Variants in HS3ST3A1 observed in about 807,000 individuals in gnomAD.
HS3ST3A1 encodes heparan sulfate-glucosamine 3-sulfotransferase 3A1, also known as heparan sulfate glucosamine 3-O-sulfotransferase 3A1.
Under a neutral mutation model 25.7 loss-of-function variants are expected in HS3ST3A1, and 19 were observed. The ratio of observed to expected loss-of-function variants is 0.74; its 90% CI spans 0.52 to 1.08. The LOEUF is 1.08. HS3ST3A1 is among the 50% of genes least tolerant of loss of function. The probability of loss-of-function intolerance (pLI) is 0.00; values close to 1 mark genes in which losing one functional copy is unlikely to be tolerated. For synonymous variants in HS3ST3A1, 226 were observed against 278.6 expected, an observed-to-expected ratio of 0.81 and a Z score of 1.88; for missense variants, 459 against 594.3, an observed-to-expected ratio of 0.77 and a Z score of 2.37.
chr17:13,532,595 G>A (rs768453480), intron 1 of HS3ST3A1, among the ~76,000 whole-genome samples: 5 of 151,916 alleles, frequency 3.3e-5, no homozygotes, highest in Non-Finnish European at 7.4e-5. Context: ...GAATAAAGTG[G>A]AGATCAACAC....
Position 13,496,394 on chromosome 17 carries a change from A to G in HS3ST3A1, c.1024T>C (p.Tyr342His). ...LKRIITDKHF[Y>H]FNKTKGFPCL... is the part of the protein sequence containing the mutation. ...GGGAAGCCCTTGGTCTTGTTGAAGT[A>G]GAAGTGCTTGTCCGTGATGATCCTC... Residue 342 changes from tyrosine to histidine, a missense_variant, in exon 2 of 2, where the codon TAC (tyrosine) becomes CAC (histidine). Transcript: ENST00000284110. 7.2e-7 allele frequency: 1 copy of G among 1,392,690 alleles called. No individual in the cohort carries two copies. Among genetic ancestry groups the G allele is most frequent in the South Asian group, 1.2e-5 (1 of 80,688 alleles). The allele number at this position is 1,392,690 out of a possible 1,614,324, so 86.3% of individuals were successfully genotyped here.
intron 1 of HS3ST3A1, among the ~76,000 whole-genome samples, chr17:13,505,529 C>A (rs1905633854): frequency 6.6e-6 from 1 of 151,720 alleles, no homozygotes. Flanking sequence ...GAGTTAAAGA[C>A]CAGGATTAGG....
chr17:13,534,680 G>A (rs1469679287), intron 1 of HS3ST3A1, among the ~76,000 whole-genome samples: 9 of 151,520 alleles, frequency 5.9e-5, no homozygotes, highest in Non-Finnish European at 1.3e-4. Flanking sequence ...AGTGAGCCAT[G>A]ATGCTGCCAC....
At chr17:13,497,090 TAA>T (rs1905308379) in intron 1 of HS3ST3A1, among the ~76,000 whole-genome samples, 2 of 152,192 alleles carry the variant, frequency 1.3e-5, no homozygotes, top group African/African-American at 4.8e-5. Context: ...TGGCACCGAA[TAA>T]ATGCCACGTT....
Position 13,571,073 on chromosome 17 carries a change from T to C in HS3ST3A1, c.599+29458A>G, listed in dbSNP as rs1047387299. On this transcript the variant is annotated intron_variant, in intron 1 of 1. Coordinates refer to ENST00000284110, the MANE Select transcript of HS3ST3A1 (RefSeq NM_006042.3). ...CAATTGTGCTATCAGCCCATACAAA[T>C]TCATGCGTAGTTAGAACTAGAGCCA... Among the ~76,000 whole-genome samples, 3 of 152,202 alleles carry C rather than the reference T, an allele frequency of 2.0e-5. 1 individual carries two copies. In the South Asian group the frequency reaches 6.2e-4, roughly 32 times the overall value.
At chr17:13,544,305 T>A (rs1392377439) in intron 1 of HS3ST3A1, among the ~76,000 whole-genome samples, 16 of 152,304 alleles carry the variant, frequency 1.1e-4, no homozygotes, top group Admixed American at 3.9e-4. Flanking sequence ...AAAGCCTTAG[T>A]GAAACTGAAC....
At chr17:13,507,273 A>T (rs1023502712) in intron 1 of HS3ST3A1, among the ~76,000 whole-genome samples, 2 of 152,162 alleles carry the variant, frequency 1.3e-5, no homozygotes, top group Admixed American at 6.5e-5. Flanking sequence ...TTATTTCTTG[A>T]GTCTCACAAC....
chr17:13,512,050 C>A (rs977146327), intron 1 of HS3ST3A1, among the ~76,000 whole-genome samples: 2 of 152,184 alleles, frequency 1.3e-5, no homozygotes, highest in Non-Finnish European at 2.9e-5. Context: ...CACAGGCCAA[C>A]ACCAGCTAGT....
chr17:13,570,627 C>A (rs146544328), intron 1 of HS3ST3A1, among the ~76,000 whole-genome samples: 1 of 152,256 alleles, frequency 6.6e-6, no homozygotes, highest in African/African-American at 2.4e-5. Flanking sequence ...CAGGTGCATG[C>A]ACCAGGCCTA....
rs1011931235 is a variant in HS3ST3A1, at chr17:13,495,192, C to T, written c.*1005G>A. ...AATCAACAAATGGGTAAGTTACGTT[C>T]CTAACACATCTTGTGCTACCCCTAG... On this transcript the variant is annotated 3_prime_UTR_variant, in exon 2 of 2. Transcript: ENST00000284110. 8.6e-5 allele frequency among the ~76,000 whole-genome samples: 13 copies of T among 151,872 alleles called. No homozygotes were observed. The highest frequency in any genetic ancestry group is 3.1e-4 in the African/African-American group (13 of 41,326).
intron 1 of HS3ST3A1, among the ~76,000 whole-genome samples, chr17:13,578,000 G>T (rs761617986): frequency 2.6e-4 from 39 of 152,036 alleles, no homozygotes; most frequent in Non-Finnish European, 4.4e-4. Flanking sequence ...TTTTGTAACA[G>T]GCGTCAAAAG....
chr17:13,593,147 T>C (rs2142394399), intron 1 of HS3ST3A1, among the ~76,000 whole-genome samples: 1 of 148,198 alleles, frequency 6.7e-6, no homozygotes, highest in Middle Eastern at 3.6e-3. Context: ...ATCTTTGCCA[T>C]AAGGTGCATC....
chr17:13,516,329 T>A (rs149764987), intron 1 of HS3ST3A1, among the ~76,000 whole-genome samples: 34 of 152,172 alleles, frequency 2.2e-4, no homozygotes, highest in African/African-American at 6.0e-4. Flanking sequence ...AAAAAATAAA[T>A]AAATAAATAA....
At chr17:13,599,343 G>A (rs1453981185) in intron 1 of HS3ST3A1, among the ~76,000 whole-genome samples, 4 of 152,040 alleles carry the variant, frequency 2.6e-5, no homozygotes, top group Non-Finnish European at 5.9e-5. Context: ...CTGTAAATTC[G>A]GCTCCTGAAA....
chr17:13,504,235 T>G (rs936592162), intron 1 of HS3ST3A1, among the ~76,000 whole-genome samples: 1 of 152,148 alleles, frequency 6.6e-6, no homozygotes, highest in African/African-American at 2.4e-5. Context: ...GAGAATAACT[T>G]GAACCCAGGA....
intron 1 of HS3ST3A1, among the ~76,000 whole-genome samples, chr17:13,524,964 G>T (rs1228367064): frequency 6.6e-6 from 1 of 152,094 alleles, no homozygotes. Flanking sequence ...ATTAAAAATA[G>T]ATATTTTTGT....
At chr17:13,525,769 A>G (rs867854000) in intron 1 of HS3ST3A1, among the ~76,000 whole-genome samples, 2 of 152,110 alleles carry the variant, frequency 1.3e-5, no homozygotes, top group Non-Finnish European at 2.9e-5. Context: ...AGGTGAATCT[A>G]TATTTGTCCA....
At chr17:13,589,574 CCTTT>C (rs1447215330) in intron 1 of HS3ST3A1, among the ~76,000 whole-genome samples, 1 of 152,088 alleles carries the variant, frequency 6.6e-6, no homozygotes, top group African/African-American at 2.4e-5. Context: ...AAAAAAGTGG[CCTTT>C]CTTTCTTAAA....
chr17:13,579,544 A>C (rs1908044487), intron 1 of HS3ST3A1, among the ~76,000 whole-genome samples: 1 of 151,400 alleles, frequency 6.6e-6, no homozygotes. Context: ...CTACTAAAAA[A>C]TACAAAAACT....
Sources: gnomAD v4.1 joint callset for allele counts (sites outside exome capture counted in the v4.1 genomes callset) on GRCh38, gnomAD v4.1.1 for gene constraint, MANE v1.5 for transcripts, NCBI Gene and HGNC (gene_info 2026-07-23, HGNC 2026-07-21) for gene names.